The following TPD52 variants were observed in gnomAD, a reference collection of about 807,000 sequenced individuals.
The protein encoded by TPD52 is tumor protein D52, also known as prostate and colon associated protein.
Under a neutral mutation model 31.3 loss-of-function variants are expected in TPD52, and 17 were observed. The ratio of observed to expected loss-of-function variants is 0.54; its 90% confidence interval spans 0.37 to 0.82. The LOEUF is 0.82. TPD52 is among the 40% of genes least tolerant of loss of function. The pLI is 0.00. For missense variants in TPD52, 212 were observed against 240.1 expected (o/e 0.88, Z 0.77); for synonymous variants, 83 against 89.6 (o/e 0.93, Z 0.42).
In TPD52 at chr8:80,118,391, T is replaced by C. The variant is rs1368178346; in HGVS notation, c.19+53034A>G. Among the ~76,000 whole-genome samples the C allele has an allele frequency of 3.9e-5, 6 of 152,290 alleles. No individual in the cohort carries two copies. In the South Asian group the frequency reaches 1.0e-3, roughly 26 times the overall value. On this transcript the variant is annotated intron_variant, in intron 1 of 7. Transcript: ENST00000518937. ...TACATTGGATCATGCAATGGTTTCT[T>C]AGACAGGACACCAAAAGCACAAAAA...
rs1040136594 is a variant in TPD52 at position 80,042,749 on chromosome 8, T to C, written c.456-81A>G. ...CTAGTTTGAAAATATAATTGATTCC[T>C]CTTCAACATTATTCTCAATCGGCAA... On this transcript the variant is annotated intron_variant, in intron 6 of 7. Coordinates refer to ENST00000518937, the MANE Select transcript of TPD52 (RefSeq NM_001025253.3). 7.3e-5 allele frequency: 93 copies of C among 1,275,448 alleles called. 1 individual carries two copies. The highest frequency in any genetic ancestry group is 9.7e-5 in the Non-Finnish European group (87 of 899,418). 79.0% of individuals were successfully genotyped at this position (1,275,448 alleles called of 1,614,324 possible). A position where few individuals can be genotyped will look rare whatever the true frequency, so the allele number is the denominator to read the frequency against.
chr8:80,059,483 G>A (rs1172915551), intron 2 of TPD52, among the ~76,000 whole-genome samples: 1 of 152,050 alleles, frequency 6.6e-6, no homozygotes, highest in Non-Finnish European at 1.5e-5. Flanking sequence ...AAATGGACAA[G>A]AGGAAACAAT....
chr8:80,167,854 A>C (rs932212712), intron 1 of TPD52, among the ~76,000 whole-genome samples: 1 of 152,202 alleles, frequency 6.6e-6, no homozygotes, highest in African/African-American at 2.4e-5. Flanking sequence ...TATAATGTGT[A>C]GTGGGCTACG....
intron 2 of TPD52, among the ~76,000 whole-genome samples, chr8:80,060,216 T>C (rs7837150): frequency 0.72 from 106,624 of 148,622 alleles, 38,941 homozygotes; most frequent in African/African-American, 0.89. Context: ...ACTAACCTTA[T>C]AGAAACAGAA....
chr8:80,062,199 C>T lies in TPD52; in HGVS notation c.135+2279G>A, dbSNP rs200764306. Among the ~76,000 whole-genome samples the T allele has an allele frequency of 2.0e-5, 3 of 152,340 alleles. No homozygotes were observed. In the East Asian group the frequency reaches 5.8e-4, roughly 29 times the overall value. ...CTATAGTAATCAAAATAGTGTGATA[C>T]TGTCAAAAGAAAAGACATATAGATG... On this transcript the variant is annotated intron_variant, in intron 2 of 7. Transcript: ENST00000518937.
At chr8:80,144,038 C>A (rs1253801509) in intron 1 of TPD52, among the ~76,000 whole-genome samples, 1 of 152,124 alleles carries the variant, frequency 6.6e-6, no homozygotes, top group East Asian at 1.9e-4. Flanking sequence ...ACCTCTTATA[C>A]AACAAAAATT....
intron 1 of TPD52, among the ~76,000 whole-genome samples, chr8:80,165,245 C>T (rs1029686929): frequency 3.3e-5 from 5 of 152,140 alleles, no homozygotes; most frequent in Admixed American, 6.6e-5. Flanking sequence ...GGAAAGCAAA[C>T]GCTCGCACAT....
At chr8:80,165,734 G>C (rs10755964) in intron 1 of TPD52, among the ~76,000 whole-genome samples, 2 of 151,918 alleles carry the variant, frequency 1.3e-5, no homozygotes, top group Non-Finnish European at 2.9e-5. Context: ...GTATATAATC[G>C]ATCAGGCCAA....
intron 1 of TPD52, among the ~76,000 whole-genome samples, chr8:80,070,438 G>A (rs201337686): frequency 4.5e-4 from 68 of 152,188 alleles, no homozygotes; most frequent in South Asian, 4.4e-3. Flanking sequence ...TTTCCACGGC[G>A]GTTGGGGGTT....
At chr8:80,164,784 GC>G (rs1289581372) in intron 1 of TPD52, among the ~76,000 whole-genome samples, 1 of 90,734 alleles carries the variant, frequency 1.1e-5, no homozygotes, top group African/African-American at 7.7e-5. Context: ...TACTTGGGAG[GC>G]TGAACAAGAA....
At chr8:80,049,030 T>C (rs1010759029) in intron 5 of TPD52, among the ~76,000 whole-genome samples, 1 of 152,206 alleles carries the variant, frequency 6.6e-6, no homozygotes, top group African/African-American at 2.4e-5. Context: ...TATCTAGGTA[T>C]GGCTTTAAGG....
intron 1 of TPD52, among the ~76,000 whole-genome samples, chr8:80,126,034 C>T (rs1410404953): frequency 1.3e-5 from 2 of 152,182 alleles, no homozygotes; most frequent in African/African-American, 2.4e-5. Flanking sequence ...AATATGGTGA[C>T]ACAATCACAG....
intron 1 of TPD52, among the ~76,000 whole-genome samples, chr8:80,160,658 C>T (rs180909122): frequency 6.6e-6 from 1 of 152,242 alleles, no homozygotes; most frequent in East Asian, 1.9e-4. Flanking sequence ...TGTCAACATA[C>T]TGCTTGCCCT....
rs1563666406 is a variant in TPD52 at position 80,154,745 on chromosome 8, ACACAC to A, written c.19+16675_19+16679del. On this transcript the variant is annotated intron_variant, in intron 1 of 7. Transcript: ENST00000518937. ...CACACACACACACACACACACACACACACACACAAAACACCTACATTAGCTTTGAA... is the reference window on the plus strand; with the variant it reads ...CACACACACACACACACACACACACAACAAAACACCTACATTAGCTTTGAA... Among the ~76,000 whole-genome samples, 305 of 68,284 alleles carry A rather than the reference ACACAC, an allele frequency of 4.5e-3. 5 individuals carry two copies. The highest frequency in any genetic ancestry group is 9.4e-3 in the African/African-American group (276 of 29,266). The allele number at this position is 68,284 out of a possible 152,430, so 44.8% of individuals were successfully genotyped here.
chr8:80,050,394 A>G, intron 5 of TPD52, 51 bp downstream of exon 5: 2 of 1,562,694 alleles, frequency 1.3e-6, no homozygotes, highest in Non-Finnish European at 1.7e-6. Flanking sequence ...ATCTCAGCAC[A>G]CTTTTCTTAT....
chr8:80,039,615 C>A (rs945493926), intron 7 of TPD52, among the ~76,000 whole-genome samples: 7 of 152,290 alleles, frequency 4.6e-5, no homozygotes, highest in African/African-American at 1.7e-4. Context: ...CAGAAGAATG[C>A]ACCACTTGGG....
chr8:80,142,369 A>G (rs770955699), intron 1 of TPD52, among the ~76,000 whole-genome samples: 40 of 152,236 alleles, frequency 2.6e-4, no homozygotes, highest in Non-Finnish European at 5.0e-4. Context: ...GCTGGTCCAC[A>G]GTAATAAAGG....
rs192755383 is a variant in TPD52 at position 80,125,089 on chromosome 8, G to A, written c.19+46336C>T. Among the ~76,000 whole-genome samples, 8 of 152,274 alleles carry A rather than the reference G, an allele frequency of 5.3e-5. No homozygotes were observed. The East Asian group carries it at 1.5e-3, about 29-fold the overall frequency. On this transcript the variant is annotated intron_variant, in intron 1 of 7. Transcript: ENST00000518937. Reference sequence around the variant, plus strand: ...AGAAACCACTAGACTCAGAGGTAATGGTTTATCAAGATGGGAAGAGTGGAG... The same window carrying A: ...AGAAACCACTAGACTCAGAGGTAATAGTTTATCAAGATGGGAAGAGTGGAG...
At chr8:80,094,153 A>T (rs879926247) in intron 1 of TPD52, among the ~76,000 whole-genome samples, 7 of 152,148 alleles carry the variant, frequency 4.6e-5, no homozygotes, top group Admixed American at 2.0e-4. Context: ...AAAGGATAAG[A>T]TAATTAACGT....
Sources: allele counts gnomAD v4.1 joint callset (sites outside exome capture counted in the v4.1 genomes callset), GRCh38; gene constraint gnomAD v4.1.1; transcripts MANE v1.5; gene names NCBI Gene and HGNC (gene_info 2026-07-23, HGNC 2026-07-21).